ZNF367: variants seen among roughly 807,000 people sequenced by gnomAD.
The protein encoded by ZNF367 is zinc finger protein 367.
In ZNF367, 11 loss-of-function variants were observed where a neutral mutation model predicts 31.8. That is an observed-to-expected ratio of 0.35 (90% confidence interval 0.22 to 0.57). The LOEUF (loss-of-function observed/expected upper bound fraction) is 0.57, where lower values mean the gene tolerates loss of function less well. ZNF367 is among the 20% of genes least tolerant of loss of function. The probability of loss-of-function intolerance (pLI) is 0.85; values close to 1 mark genes in which losing one functional copy is unlikely to be tolerated. For synonymous variants in ZNF367, 199 were observed against 202.4 expected, an observed-to-expected ratio of 0.98 and a Z score of 0.14; for missense variants, 353 against 484.1, an observed-to-expected ratio of 0.73 and a Z score of 2.54.
At chr9:96,408,086 T>C (rs1177721451) in intron 1 of ZNF367, among the ~76,000 whole-genome samples, 3 of 152,126 alleles carry the variant, frequency 2.0e-5, no homozygotes, top group South Asian at 2.1e-4. Context: ...CGGGGAGGGA[T>C]AGCATTAGGA....
intron 1 of ZNF367, among the ~76,000 whole-genome samples, chr9:96,414,118 A>G (rs1282397166): frequency 6.6e-6 from 1 of 152,204 alleles, no homozygotes; most frequent in Non-Finnish European, 1.5e-5. Context: ...TACTGACCAC[A>G]AATCAAACTA....
chr9:96,398,719 G>A (rs1468747270), intron 1 of ZNF367, among the ~76,000 whole-genome samples: 2 of 152,150 alleles, frequency 1.3e-5, no homozygotes, highest in Non-Finnish European at 2.9e-5. Context: ...CAGTAGAAAA[G>A]CTTTGCAGCA....
At position 96,417,402 on chromosome 9, in the gene ZNF367, G is replaced by A. The variant is rs534394328; in HGVS notation, c.420+211C>T. On this transcript the variant is annotated intron_variant, in intron 1 of 4. Coordinates refer to ENST00000375256, the MANE Select transcript of ZNF367 (RefSeq NM_153695.4). The surrounding 1 kb of genome is among the most constrained non-coding windows in gnomAD (Gnocchi z 5.0). ...CGCCCACTGCACCTGCCGCAAGGAC[G>A]GTCTCCCGCGCCGCTCCCGCCTGTC... 6.7e-6 allele frequency among the ~76,000 whole-genome samples: 1 copy of A among 149,956 alleles called. No individual in the cohort carries two copies. Among genetic ancestry groups the A allele is most frequent in the Non-Finnish European group, 1.5e-5 (1 of 67,602 alleles).
At chr9:96,401,612 G>A (rs551070554) in intron 1 of ZNF367, among the ~76,000 whole-genome samples, 10 of 140,064 alleles carry the variant, frequency 7.1e-5, no homozygotes, top group Non-Finnish European at 1.3e-4. Context: ...AGCCAAGATC[G>A]CACCATTGCA....
chr9:96,398,436 G>T, intron 1 of ZNF367, 122 bp from the exon 2 acceptor site: 2 of 783,588 alleles, frequency 2.6e-6, no homozygotes, highest in Non-Finnish European at 3.8e-6. Flanking sequence ...CACACTTATA[G>T]TCCCAGCTAT....
In ZNF367 at chr9:96,388,350, C is replaced by T. The variant is rs1831429602; in HGVS notation, c.940G>A (p.Asp314Asn). The T allele has an allele frequency of 6.2e-7, 1 of 1,613,524 alleles. No homozygotes were observed. Residue 314 changes from aspartate (D) to asparagine (N), a missense_variant, in exon 5 of 5, where the codon GAC becomes AAC. Asp to Asn is a conservative substitution (Grantham distance 23). Around this residue, in one of 5 missense-constraint regions of ZNF367, gnomAD observed 101 missense variants for 140.0 expected, o/e 0.72. Transcript: ENST00000375256. ...CGCTGGGCCCCTCTCTTCTCGTCGT[C>T]CTCTTCATCAGACTGAAGGTATTCC... Reference protein sequence around the residue: ...PLEYLQSDEEDDEKRGAQRRL... With the variant: ...PLEYLQSDEENDEKRGAQRRL...
intron 1 of ZNF367, among the ~76,000 whole-genome samples, chr9:96,404,778 C>G (rs1184718876): frequency 6.6e-6 from 1 of 151,934 alleles, no homozygotes; most frequent in Admixed American, 6.6e-5. Context: ...AAATGTAAAA[C>G]TTTTGTACAT....
chr9:96,393,012 G>C (rs1353037961), intron 3 of ZNF367, among the ~76,000 whole-genome samples: 1 of 152,134 alleles, frequency 6.6e-6, no homozygotes, highest in East Asian at 1.9e-4. Context: ...TTGAACCCAG[G>C]AGGCAGAGGT....
rs1186132658 is a variant in ZNF367, at chr9:96,417,523, C to T, written c.420+90G>A. 2 of 273,802 alleles carry T rather than the reference C, an allele frequency of 7.3e-6. No homozygotes were observed. The highest frequency in any genetic ancestry group is 5.4e-5 in the Admixed American group (1 of 18,620). 17.0% of individuals were successfully genotyped at this position (273,802 alleles called of 1,614,324 possible). A position where few individuals can be genotyped will look rare whatever the true frequency, so the allele number is the denominator to read the frequency against. On this transcript the variant is annotated intron_variant, in intron 1 of 4. Transcript: ENST00000375256. The surrounding 1 kb of genome is among the most constrained non-coding windows in gnomAD (Gnocchi z 5.0). ...CAGCCCCCGCCGTAGCCGGATCGACCTCGCGTTTTCAACTCCGCCCCGCCC... is the reference window on the plus strand; with the variant it reads ...CAGCCCCCGCCGTAGCCGGATCGACTTCGCGTTTTCAACTCCGCCCCGCCC...
At chr9:96,400,670 G>A (rs1161911070) in intron 1 of ZNF367, among the ~76,000 whole-genome samples, 6 of 151,980 alleles carry the variant, frequency 3.9e-5, no homozygotes, top group Non-Finnish European at 5.9e-5. Flanking sequence ...GAAAAAAGAA[G>A]GAAGGGAAAT....
intron 1 of ZNF367, among the ~76,000 whole-genome samples, chr9:96,410,574 A>C (rs545061447): frequency 1.4e-3 from 207 of 146,854 alleles, no homozygotes; most frequent in African/African-American, 4.7e-3. Flanking sequence ...AAAAAAAAAA[A>C]AAAAACAAAA....
chr9:96,414,089 CTA>C (rs1831785849), intron 1 of ZNF367, among the ~76,000 whole-genome samples: 1 of 152,176 alleles, frequency 6.6e-6, no homozygotes, highest in South Asian at 2.1e-4. Context: ...CTGGGACTCT[CTA>C]TCTTTGTAGT....
Position 96,394,810 on chromosome 9 carries a change from T to G in ZNF367, c.691+13A>C. The G allele has an allele frequency of 6.2e-7, 1 of 1,613,132 alleles. No individual in the cohort carries two copies. ...AACTAGTTATTCCATAAACTTAACTTCTAACACCGTACCATTTTCTGAACA... is the reference window on the plus strand; with the variant it reads ...AACTAGTTATTCCATAAACTTAACTGCTAACACCGTACCATTTTCTGAACA... On this transcript the variant is annotated intron_variant, in intron 3 of 4. Coordinates refer to ENST00000375256, the MANE Select transcript of ZNF367 (RefSeq NM_153695.4).
At chr9:96,394,647 AAATC>A (rs1286308865) in intron 3 of ZNF367, among the ~76,000 whole-genome samples, 172 bp downstream of exon 3, 1 of 152,204 alleles carries the variant, frequency 6.6e-6, no homozygotes, top group African/African-American at 2.4e-5. Context: ...CAAATTTTTA[AAATC>A]AATCATTTCT....
chr9:96,402,619 ATTTTTTTTTTTTT>A (rs61651699), intron 1 of ZNF367, among the ~76,000 whole-genome samples: 3,574 of 70,402 alleles, frequency 0.051, 89 homozygotes, highest in Middle Eastern at 0.16. Flanking sequence ...CGCCTGGCTA[ATTTTTTTTTTTTT>A]TTTTTTTTTT....
chr9:96,417,557 G>T lies in ZNF367; in HGVS notation c.420+56C>A. ...TCAACTCCGCCCCGCCCGCCGCACC[G>T]TTAACGGGCCCCGGCTGCCCCACGT... is the stretch of plus-strand genomic sequence containing the variant. On this transcript the variant is annotated intron_variant, in intron 1 of 4. Coordinates refer to ENST00000375256, the MANE Select transcript of ZNF367 (RefSeq NM_153695.4). This position sits in a 1 kb window ranked among gnomAD's most constrained non-coding sequence, Gnocchi z 5.0. 2.9e-6 allele frequency: 1 copy of T among 340,612 alleles called. No individual in the cohort carries two copies. Among genetic ancestry groups the T allele is most frequent in the Non-Finnish European group, 5.1e-6 (1 of 194,180 alleles). The allele number at this position is 340,612 out of a possible 1,614,324, so 21.1% of individuals were successfully genotyped here.
At chr9:96,399,437 T>G (rs902450029) in intron 1 of ZNF367, among the ~76,000 whole-genome samples, 1 of 152,120 alleles carries the variant, frequency 6.6e-6, no homozygotes, top group Non-Finnish European at 1.5e-5. Context: ...GGAGGATCAC[T>G]TGAGCAAAGG....
intron 1 of ZNF367, among the ~76,000 whole-genome samples, chr9:96,401,845 T>G (rs2131076348): frequency 6.8e-6 from 1 of 146,198 alleles, no homozygotes; most frequent in Admixed American, 6.8e-5. Context: ...AAAAAAATTT[T>G]TAAATTAGCA....
intron 1 of ZNF367, among the ~76,000 whole-genome samples, chr9:96,410,378 G>A (rs1416378197): frequency 1.3e-5 from 2 of 150,218 alleles, no homozygotes; most frequent in Non-Finnish European, 3.0e-5. Flanking sequence ...TGGCTAACAC[G>A]GTGAAATCCC....
Sources: allele counts gnomAD v4.1 joint callset (sites outside exome capture counted in the v4.1 genomes callset), GRCh38; gene constraint gnomAD v4.1.1; regional missense constraint gnomAD v4.1.1; non-coding constraint Gnocchi (gnomAD v3.1); transcripts MANE v1.5; gene names NCBI Gene and HGNC (gene_info 2026-07-23, HGNC 2026-07-21).